Variants in AURKB observed in about 807,000 individuals in gnomAD.
The protein encoded by AURKB is aurora kinase B, also known as aurora kinase B-Sv1.
AURKB carries 28 observed loss-of-function variants against 36.5 expected under a neutral mutation model. The ratio of observed to expected loss-of-function variants is 0.77; its 90% CI spans 0.57 to 1.05. AURKB has a LOEUF of 1.05. AURKB is among the 50% of genes least tolerant of loss of function. The pLI is 0.00. For missense variants in AURKB, 383 were observed against 447.4 expected, an observed-to-expected ratio of 0.86 and a Z score of 1.30; for synonymous variants, 175 against 172.9, an observed-to-expected ratio of 1.01 and a Z score of -0.09.
At position 8,206,389 on chromosome 17, in the gene AURKB, C is replaced by T. The variant is rs549879477; in HGVS notation, c.686+102G>A. The T allele has an allele frequency of 2.0e-6, 3 of 1,471,884 alleles. No individual in the cohort carries two copies. The South Asian group carries it at 3.8e-5, about 18-fold the overall frequency. 91.2% of individuals were successfully genotyped at this position (1,471,884 alleles called of 1,614,324 possible). A position where few individuals can be genotyped will look rare whatever the true frequency, so the allele number is the denominator to read the frequency against. ...CAGGTGATCCGCCCTCCTCGGCCTC[C>T]CAAAGTGCTGGGATTACAGGTGTGA... On this transcript the variant is annotated intron_variant, in intron 7 of 8. Transcript: ENST00000585124. The surrounding 1 kb of genome is among the most constrained non-coding windows in gnomAD (Gnocchi z 4.2).
intron 2 of AURKB, among the ~76,000 whole-genome samples, chr17:8,208,462 G>A (rs1985668694): frequency 6.7e-6 from 1 of 150,230 alleles, no homozygotes; most frequent in Admixed American, 6.7e-5. Flanking sequence ...GTGGTGGCAG[G>A]CGCCTGTAAT....
rs770844551 is a variant in AURKB, at chr17:8,207,821, G to A, written c.68C>T (p.Thr23Ile). Residue 23 changes from threonine (T) to isoleucine (I), a missense_variant, in exon 3 of 9, where the codon ACC (threonine) becomes ATC (isoleucine). Thr to Ile is a moderately conservative substitution (Grantham distance 89). Coordinates refer to ENST00000585124, the MANE Select transcript of AURKB (RefSeq NM_004217.4). The stretch of plus-strand genomic sequence containing the variant: ...TTTCCGGAGGACTCGCTGGGGCAGG[G>A]TGCTCAGGCCAGATGGAGCCTGAGA... ...GRQTAPSGLS[T>I]LPQRVLRKEP... 30 of 1,613,638 alleles carry A rather than the reference G, an allele frequency of 1.9e-5. No individual in the cohort carries two copies. In the Admixed American group the frequency reaches 2.5e-4, roughly 13 times the overall value.
At chr17:8,210,289 A>AAG (rs890707117) in intron 1 of AURKB, 40 bp from the exon 2 acceptor site, 14 of 1,429,774 alleles carry the variant, frequency 9.8e-6, no homozygotes, top group Non-Finnish European at 1.4e-5. Context: ...AGCAGAGAAA[A>AAG]AGAGAGAGAG....
chr17:8,207,596 T>C lies in AURKB; in HGVS notation c.181A>G (p.Ser61Gly), dbSNP rs199981964. 2 of 1,613,802 alleles carry C rather than the reference T, an allele frequency of 1.2e-6. No individual in the cohort carries two copies. The highest frequency in any genetic ancestry group is 1.7e-5 in the Admixed American group (1 of 59,976). ...AAPGQKVMEN[S>G]SGTPDILTRH... ...GTTAAGATGTCGGGTGTCCCACTGCTATTCTCCATCACCTTCTGGCCAGGG... is the reference window on the plus strand; with the variant it reads ...GTTAAGATGTCGGGTGTCCCACTGCCATTCTCCATCACCTTCTGGCCAGGG... The change falls in exon 4 of 9, where the codon AGC (serine) becomes GGC (glycine). Residue 61 changes from serine to glycine, a missense_variant. By Grantham distance (56) the Ser-to-Gly change is moderately conservative. Coordinates refer to ENST00000585124, the MANE Select transcript of AURKB (RefSeq NM_004217.4).
intron 1 of AURKB, 63 bp from the exon 2 acceptor site, chr17:8,210,312 G>C: frequency 8.2e-7 from 1 of 1,223,596 alleles, no homozygotes; most frequent in Non-Finnish European, 1.2e-6. Flanking sequence ...GGAGGGGTTG[G>C]ACCGATCGAG....
rs56747013 is a variant in AURKB, at chr17:8,206,351, G to T, written c.686+140C>A. The T allele has an allele frequency of 9.7e-7, 1 of 1,026,706 alleles. No individual in the cohort carries two copies. The highest frequency in any genetic ancestry group is 1.6e-5 in the African/African-American group (1 of 61,626). The allele number at this position is 1,026,706 out of a possible 1,614,324, so 63.6% of individuals were successfully genotyped here. A position where few individuals can be genotyped will look rare whatever the true frequency, so the allele number is the denominator to read the frequency against. ...TCATCATGTTGGCAAATCTAGTCTC[G>T]AACTCCTGACCTCAGGTGATCCGCC... On this transcript the variant is annotated intron_variant, in intron 7 of 8. Transcript: ENST00000585124. The surrounding 1 kb of genome is among the most constrained non-coding windows in gnomAD (Gnocchi z 4.2).
rs1426287612 is a variant in AURKB at position 8,207,814 on chromosome 17, G to A, written c.75C>T (p.Pro25=). The A allele has an allele frequency of 6.2e-7, 1 of 1,613,882 alleles. No individual in the cohort carries two copies. The highest frequency in any genetic ancestry group is 8.5e-7 in the Non-Finnish European group (1 of 1,179,920). Reference sequence around the variant, plus strand: ...CAGGCTCTTTCCGGAGGACTCGCTGGGGCAGGGTGCTCAGGCCAGATGGAG... The same window carrying A: ...CAGGCTCTTTCCGGAGGACTCGCTGAGGCAGGGTGCTCAGGCCAGATGGAG... The part of the protein sequence containing the change: ...QTAPSGLSTL[P]QRVLRKEPVT... Residue 25 remains proline, a synonymous_variant, in exon 3 of 9, where the codon CCC becomes CCT. Transcript: ENST00000585124.
intron 4 of AURKB, 65 bp downstream of exon 4, chr17:8,207,506 T>A (rs1317175386): frequency 1.3e-6 from 2 of 1,588,742 alleles, no homozygotes; most frequent in East Asian, 4.5e-5. Context: ...AGGTTTTATC[T>A]CCCCGACTTC....
At chr17:8,210,056 C>A (rs1231842143) in intron 2 of AURKB, 121 bp downstream of exon 2, 10 of 1,352,106 alleles carry the variant, frequency 7.4e-6, no homozygotes, top group East Asian at 7.0e-5. Context: ...GGGACCCGTA[C>A]TTTGGAGCAT....
rs34854215 is a variant in AURKB, at chr17:8,206,153, CAG to C, written c.686+336_686+337del. Reference sequence around the variant, plus strand: ...CCATTTTTTTTTTTTTTTTTTGAGACAGAGTCTCGATCTGTCACACAGGCTGG... The same window carrying C: ...CCATTTTTTTTTTTTTTTTTTGAGACAGTCTCGATCTGTCACACAGGCTGG... On this transcript the variant is annotated intron_variant, in intron 7 of 8. Coordinates refer to ENST00000585124, the MANE Select transcript of AURKB (RefSeq NM_004217.4). This position sits in a 1 kb window ranked among gnomAD's most constrained non-coding sequence, Gnocchi z 4.2. 0.41 allele frequency among the ~76,000 whole-genome samples: 57,246 copies of C among 141,060 alleles called. 13,205 individuals carry two copies. Among genetic ancestry groups the C allele is most frequent in the Non-Finnish European group, 0.54 (35,092 of 65,518 alleles). The allele number at this position is 141,060 out of a possible 152,430, so 92.5% of individuals were successfully genotyped here. A position where few individuals can be genotyped will look rare whatever the true frequency, so the allele number is the denominator to read the frequency against.
In AURKB at chr17:8,207,606, C is replaced by T. The variant is rs1367854765; in HGVS notation, c.171G>A (p.Val57=). 1.2e-6 allele frequency: 2 copies of T among 1,613,878 alleles called. No individual in the cohort carries two copies. The highest frequency in any genetic ancestry group is 1.3e-5 in the African/African-American group (1 of 74,896). ...VQPTAAPGQK[V]MENSSGTPDI... ...CGGGTGTCCCACTGCTATTCTCCAT[C>T]ACCTTCTGGCCAGGGGCAGCTAAGG... The change falls in exon 4 of 9, where the codon GTG becomes GTA. Residue 57 remains valine, a synonymous_variant. Transcript: ENST00000585124.
chr17:8,209,488 G>A (rs1237669023), intron 2 of AURKB, among the ~76,000 whole-genome samples: 11 of 152,240 alleles, frequency 7.2e-5, no homozygotes, highest in Non-Finnish European at 1.6e-4. Context: ...TCCAAAAACA[G>A]GGAGCAAAGC....
intron 4 of AURKB, 95 bp from the exon 5 acceptor site, chr17:8,207,462 C>T: frequency 2.6e-6 from 4 of 1,554,640 alleles, no homozygotes; most frequent in Admixed American, 1.8e-5. Flanking sequence ...TGTCCTCCGC[C>T]CCACTTGTCT....
chr17:8,205,252 A>G lies in AURKB; in HGVS notation c.825T>C (p.Ser275=). 6.2e-7 allele frequency: 1 copy of G among 1,613,828 alleles called. No individual in the cohort carries two copies. Among genetic ancestry groups the G allele is most frequent in the Non-Finnish European group, 8.5e-7 (1 of 1,179,926 alleles). The change falls in exon 8 of 9, where the codon AGT becomes AGC. Residue 275 remains serine, a synonymous_variant. Coordinates refer to ENST00000585124, the MANE Select transcript of AURKB (RefSeq NM_004217.4). ...GGCGATAGGTCTCGTTGTGTGATGC[A>G]CTCTCAAAGGGTGGGTTCCCCACCA... ...ELLVGNPPFE[S]ASHNETYRRI... is the part of the protein sequence containing the mutation.
At position 8,210,188 on chromosome 17, in the gene AURKB, C is replaced by G; in HGVS notation, c.37G>C (p.Gly13Arg). The G allele has an allele frequency of 1.9e-6, 3 of 1,612,240 alleles. No individual in the cohort carries two copies. In the South Asian group the frequency reaches 3.3e-5, roughly 18 times the overall value. ...GGGAAGGGCCTTACCGTCTGTCGGC[C>G]GTAGGGCCAGGGGTAGGAGTTCTCC... The part of the protein sequence containing the change: ...QKENSYPWPY[G>R]RQTAPSGLST... The change falls in exon 2 of 9, where the codon GGC (glycine) becomes CGC (arginine). Residue 13 changes from glycine to arginine, a missense_variant. Physicochemically the swap from Gly to Arg is moderately radical, Grantham distance 125. Coordinates refer to ENST00000585124, the MANE Select transcript of AURKB (RefSeq NM_004217.4).
intron 2 of AURKB, chr17:8,208,131 A>C: frequency 4.1e-6 from 1 of 241,170 alleles, no homozygotes; most frequent in Non-Finnish European, 8.1e-6. Flanking sequence ...AAATATAAAA[A>C]ATTAGCTGGG....
intron 8 of AURKB, 52 bp downstream of exon 8, chr17:8,205,164 C>G: frequency 6.4e-7 from 1 of 1,569,076 alleles, no homozygotes; most frequent in African/African-American, 1.3e-5. Context: ...CACCCCCAGC[C>G]CCCCAGCTCC....
Position 8,206,461 on chromosome 17 carries a change from ACCCAGGTCTGGCCT to A in AURKB, c.686+16_686+29del, listed in dbSNP as rs1985294638. On this transcript the variant is annotated intron_variant, in intron 7 of 8. Transcript: ENST00000585124. The surrounding 1 kb of genome is among the most constrained non-coding windows in gnomAD (Gnocchi z 4.2). ...AGAGGTTTTAATGGCCCAGCCTCAC[ACCCAGGTCTGGCCT>A]CCCAGGCCACCATACCTCAGGGAGG... 1.2e-6 allele frequency: 2 copies of A among 1,613,220 alleles called. No individual in the cohort carries two copies. The highest frequency in any genetic ancestry group is 1.7e-6 in the Non-Finnish European group (2 of 1,179,718).
chr17:8,207,865 T>C lies in AURKB; in HGVS notation c.49-25A>G. The stretch of plus-strand genomic sequence containing the variant: ...CCTGAGAAGGAGCAGGGGGTAGCTC[T>C]GAGGGTGCCTTTGTCTGATGACCGG... On this transcript the variant is annotated intron_variant, in intron 2 of 8. Transcript: ENST00000585124. The C allele has an allele frequency of 3.2e-6, 5 of 1,575,248 alleles. No homozygotes were observed. The South Asian group carries it at 4.5e-5, about 14-fold the overall frequency.
Sources: gnomAD v4.1 joint callset for allele counts (sites outside exome capture counted in the v4.1 genomes callset) on GRCh38, gnomAD v4.1.1 for gene constraint, Gnocchi (gnomAD v3.1) non-coding constraint, MANE v1.5 for transcripts, NCBI Gene and HGNC (gene_info 2026-07-23, HGNC 2026-07-21) for gene names.